Variants in PCDHA5 observed in about 807,000 individuals in gnomAD.
The protein encoded by PCDHA5 is protocadherin alpha-5.
Under a neutral mutation model 61.6 loss-of-function variants are expected in PCDHA5, and 43 were observed. The ratio of observed to expected loss-of-function variants is 0.70; its 90% confidence interval spans 0.55 to 0.90. PCDHA5 has a LOEUF of 0.90. Ranked by LOEUF, PCDHA5 falls within the 40% of genes least tolerant of loss-of-function variation. The probability of loss-of-function intolerance (pLI) is 0.00; values close to 1 mark genes in which losing one functional copy is unlikely to be tolerated. For missense variants in PCDHA5, 1,298 were observed against 1,222.7 expected, an observed-to-expected ratio of 1.06 and a Z score of -0.92; for synonymous variants, 627 against 543.9, an observed-to-expected ratio of 1.15 and a Z score of -2.13.
At chr5:140,853,686 T>C (rs2042832936) in intron 1 of PCDHA5, 1 of 988,118 alleles carries the variant, frequency 1.0e-6, no homozygotes, top group Middle Eastern at 5.3e-4. Flanking sequence ...CAACCTATCC[T>C]TAGACCTGCT....
intron 1 of PCDHA5, chr5:140,875,653 C>T (rs1554167829): frequency 1.2e-6 from 2 of 1,613,682 alleles, no homozygotes; most frequent in East Asian, 2.2e-5. Context: ...GGAGCTGGTG[C>T]CGCGCCTGTT....
intron 1 of PCDHA5, among the ~76,000 whole-genome samples, chr5:140,941,256 T>TTTCTTTCTTTCTTTCA (rs2092982969): frequency 2.2e-5 from 1 of 45,974 alleles, no homozygotes. Flanking sequence ...TCTTTCTTTC[T>TTTCTTTCTTTCTTTCA]CTTTCTTTCT....
At chr5:140,843,925 C>A in intron 1 of PCDHA5, 1 of 594,474 alleles carries the variant, frequency 1.7e-6, no homozygotes, top group Non-Finnish European at 2.9e-6. Flanking sequence ...TCTTGAAACT[C>A]AAGTTATGGT....
chr5:140,852,838 C>T lies in PCDHA5; in HGVS notation c.2352+28711C>T, dbSNP rs2042489635. 6 of 968,840 alleles carry T rather than the reference C, an allele frequency of 6.2e-6. 1 individual carries two copies. The Admixed American group carries it at 2.5e-4, about 41-fold the overall frequency. The allele number at this position is 968,840 out of a possible 1,614,324, so 60.0% of individuals were successfully genotyped here. A position where few individuals can be genotyped will look rare whatever the true frequency, so the allele number is the denominator to read the frequency against. Reference sequence around the variant, plus strand: ...CCTAAGTCCTCCAGTCTCCTTAGAGCTAGTACTTACTAAGCATTTACTATG... The same window carrying T: ...CCTAAGTCCTCCAGTCTCCTTAGAGTTAGTACTTACTAAGCATTTACTATG... On this transcript the variant is annotated intron_variant, in intron 1 of 3. Coordinates refer to ENST00000529859, the MANE Select transcript of PCDHA5 (RefSeq NM_018908.3).
intron 1 of PCDHA5, among the ~76,000 whole-genome samples, chr5:140,913,400 C>T (rs2076319870): frequency 6.6e-6 from 1 of 152,108 alleles, no homozygotes; most frequent in South Asian, 2.1e-4. Context: ...CACTAATGAT[C>T]CTTTGAATTC....
chr5:140,927,008 T>C (rs1482906318), intron 1 of PCDHA5: 1 of 1,612,396 alleles, frequency 6.2e-7, no homozygotes, highest in Admixed American at 1.7e-5. Context: ...GTAGGCAATC[T>C]CTCCGCGGAC....
At position 140,928,406 on chromosome 5, in the gene PCDHA5, G is replaced by T. The variant is rs782285182; in HGVS notation, c.2353-50543G>T. On this transcript the variant is annotated intron_variant, in intron 1 of 3. Coordinates refer to ENST00000529859, the MANE Select transcript of PCDHA5 (RefSeq NM_018908.3). ...TTGCTGGCAGTGGAATCATCCAGTG[G>T]GGCCATCACTGCCAAAACTTCCTTT... 3 of 1,614,050 alleles carry T rather than the reference G, an allele frequency of 1.9e-6. No individual in the cohort carries two copies. The Admixed American group carries it at 5.0e-5, about 27-fold the overall frequency.
intron 1 of PCDHA5, among the ~76,000 whole-genome samples, chr5:140,826,108 A>G (rs1252391414): frequency 6.6e-6 from 1 of 152,218 alleles, no homozygotes; most frequent in Non-Finnish European, 1.5e-5. Context: ...CATGCTATTT[A>G]TATATTCCTA....
chr5:140,982,827 T>G (rs2097010165), intron 3 of PCDHA5, among the ~76,000 whole-genome samples: 1 of 140,992 alleles, frequency 7.1e-6, no homozygotes, highest in Non-Finnish European at 1.6e-5. Flanking sequence ...TTTTTGGGGT[T>G]TGTTTGTTTG....
chr5:140,968,652 A>G, intron 1 of PCDHA5: 1 of 1,614,118 alleles, frequency 6.2e-7, no homozygotes, highest in Non-Finnish European at 8.5e-7. Context: ...CAGACTTCTG[A>G]CCTGGACCTC....
In PCDHA5 at chr5:140,870,873, G is replaced by A. The variant is rs782065354; in HGVS notation, c.2352+46746G>A. 5 of 1,613,840 alleles carry A rather than the reference G, an allele frequency of 3.1e-6. No individual in the cohort carries two copies. The Admixed American group carries it at 5.0e-5, about 16-fold the overall frequency. On this transcript the variant is annotated intron_variant, in intron 1 of 3. Transcript: ENST00000529859. ...GGTCGGTGGGTGCGGGCCACGTGGTGGCGAAGGTGCGCGCAGTGGATGCGG... is the reference window on the plus strand; with the variant it reads ...GGTCGGTGGGTGCGGGCCACGTGGTAGCGAAGGTGCGCGCAGTGGATGCGG...
intron 1 of PCDHA5, chr5:140,829,069 C>T: frequency 6.2e-7 from 1 of 1,612,166 alleles, no homozygotes; most frequent in Non-Finnish European, 8.5e-7. Context: ...CGGACAAAGG[C>T]CATCCTCCCA....
At chr5:140,968,044 A>G (rs959631573) in intron 1 of PCDHA5, 2 of 1,614,024 alleles carry the variant, frequency 1.2e-6, no homozygotes, top group Non-Finnish European at 1.7e-6. Context: ...TGAGCGGCCC[A>G]CTGGACCGAG....
At chr5:140,908,895 G>A (rs1381470212) in intron 1 of PCDHA5, among the ~76,000 whole-genome samples, 1 of 152,158 alleles carries the variant, frequency 6.6e-6, no homozygotes, top group Non-Finnish European at 1.5e-5. Flanking sequence ...TCCCAAATAA[G>A]CCTCTTTCGT....
chr5:140,860,276 G>T (rs1399451611), intron 1 of PCDHA5: 2 of 151,942 alleles, frequency 1.3e-5, no homozygotes, highest in South Asian at 2.1e-4. Flanking sequence ...TGCTACTTGG[G>T]AGGGTGAGGT....
intron 1 of PCDHA5, chr5:140,967,313 C>T: frequency 6.2e-7 from 1 of 1,611,052 alleles, no homozygotes; most frequent in Non-Finnish European, 8.5e-7. Flanking sequence ...CAACTCAGTA[C>T]AGACCTACGA....
At chr5:140,862,999 C>T (rs547997534) in intron 1 of PCDHA5, 28 of 550,142 alleles carry the variant, frequency 5.1e-5, no homozygotes, top group African/African-American at 4.9e-4. Context: ...GCACGGTGGA[C>T]TCCAGCTATG....
intron 1 of PCDHA5, among the ~76,000 whole-genome samples, chr5:140,937,783 G>A (rs1554211789): frequency 6.7e-6 from 1 of 150,256 alleles, no homozygotes; most frequent in African/African-American, 2.5e-5. Context: ...GTGGTGGCGG[G>A]CGTATGTAGT....
At chr5:140,876,131 C>G in intron 1 of PCDHA5, 3 of 1,613,872 alleles carry the variant, frequency 1.9e-6, no homozygotes, top group Non-Finnish European at 2.5e-6. Context: ...GGCGGTAAAC[C>G]AGAACTAACA....
Sources: allele counts gnomAD v4.1 joint callset (sites outside exome capture counted in the v4.1 genomes callset), GRCh38; gene constraint gnomAD v4.1.1; transcripts MANE v1.5; gene names NCBI Gene and HGNC (gene_info 2026-07-23, HGNC 2026-07-21).